The following LRP1B variants were observed in gnomAD, a reference collection of about 807,000 sequenced individuals.
LRP1B encodes low-density lipoprotein receptor-related protein 1B.
Under a neutral mutation model 556.6 loss-of-function variants are expected in LRP1B, and 217 were observed. That is an observed-to-expected ratio of 0.39 (90% confidence interval 0.35 to 0.44). LRP1B has a LOEUF of 0.44. LRP1B is among the 20% of genes least tolerant of loss of function. The pLI, the probability that LRP1B is intolerant of heterozygous loss-of-function variation, is 1.00. For missense variants in LRP1B, 5,053 were observed against 5,620.8 expected (o/e 0.90, Z 3.23); for synonymous variants, 2,047 against 1,865.8 (o/e 1.10, Z -2.50).
At chr2:140,896,263 ATATAT>A (rs1320710030) in intron 23 of LRP1B, among the ~76,000 whole-genome samples, 2 of 152,072 alleles carry the variant, frequency 1.3e-5, no homozygotes, top group African/African-American at 2.4e-5. Flanking sequence ...GAGATTTGAG[ATATAT>A]TAAATAGAAA....
chr2:140,576,126 A>T (rs1389488637), intron 43 of LRP1B, among the ~76,000 whole-genome samples: 2 of 152,100 alleles, frequency 1.3e-5, no homozygotes, highest in Non-Finnish European at 2.9e-5. Context: ...GATCCATGGA[A>T]ATGCTTCCAT....
chr2:142,122,226 AG>A (rs1482484798), intron 1 of LRP1B, among the ~76,000 whole-genome samples: 1 of 152,136 alleles, frequency 6.6e-6, no homozygotes, highest in East Asian at 1.9e-4. Context: ...CAATGAGAAT[AG>A]CAAAGGAAGT....
chr2:141,200,445 T>C (rs1335202463), intron 6 of LRP1B, among the ~76,000 whole-genome samples: 1 of 152,158 alleles, frequency 6.6e-6, no homozygotes, highest in Non-Finnish European at 1.5e-5. Context: ...GCTTAATACC[T>C]AGGTGATGAA....
chr2:140,419,869 A>G (rs1299085105), intron 66 of LRP1B, among the ~76,000 whole-genome samples: 1 of 152,068 alleles, frequency 6.6e-6, no homozygotes, highest in African/African-American at 2.4e-5. Context: ...TTAGTCCTGC[A>G]TGGTGGCACA....
chr2:141,724,269 A>G lies in LRP1B; in HGVS notation c.205+86010T>C, dbSNP rs1173238870. ...ATTCATGTAAGTTGGTGATAAAATT[A>G]CCTCATCTTATTTGGAAACAGAATC... On this transcript the variant is annotated intron_variant, in intron 2 of 90. Coordinates refer to ENST00000389484, the MANE Select transcript of LRP1B (RefSeq NM_018557.3). Among the ~76,000 whole-genome samples, 3 of 152,024 alleles carry G rather than the reference A, an allele frequency of 2.0e-5. No individual in the cohort carries two copies. In the East Asian group the frequency reaches 5.8e-4, roughly 29 times the overall value.
chr2:140,666,160 A>C (rs1574214405), intron 41 of LRP1B, among the ~76,000 whole-genome samples: 1 of 151,842 alleles, frequency 6.6e-6, no homozygotes, highest in East Asian at 1.9e-4. Context: ...TGCCCGGCTA[A>C]TTTTTTGTAT....
At chr2:140,521,291 C>G (rs1239049503) in intron 49 of LRP1B, among the ~76,000 whole-genome samples, 1 of 152,042 alleles carries the variant, frequency 6.6e-6, no homozygotes, top group African/African-American at 2.4e-5. Context: ...AGTTTGAAAG[C>G]AGCTACAAAA....
At chr2:140,399,085 T>C (rs1684380237) in intron 66 of LRP1B, among the ~76,000 whole-genome samples, 2 of 152,104 alleles carry the variant, frequency 1.3e-5, no homozygotes, top group South Asian at 4.1e-4. Flanking sequence ...TATCTTTCTT[T>C]TTCTTTAACA....
chr2:141,728,189 G>T lies in LRP1B; in HGVS notation c.205+82090C>A, dbSNP rs1199241112. On this transcript the variant is annotated intron_variant, in intron 2 of 90. Transcript: ENST00000389484. ...GGAGAGAAGAACTTGCAAAGCAAAGGTCACCTCAGTTCTCTAGCACCTCTC... is the reference window on the plus strand; with the variant it reads ...GGAGAGAAGAACTTGCAAAGCAAAGTTCACCTCAGTTCTCTAGCACCTCTC... Among the ~76,000 whole-genome samples the T allele has an allele frequency of 2.0e-5, 3 of 152,124 alleles. No individual in the cohort carries two copies. In the East Asian group the frequency reaches 5.8e-4, roughly 29 times the overall value.
intron 86 of LRP1B, among the ~76,000 whole-genome samples, chr2:140,260,031 TAAATA>T (rs1289342857): frequency 6.6e-6 from 1 of 151,834 alleles, no homozygotes; most frequent in Admixed American, 6.6e-5. Flanking sequence ...CAAAAATAAA[TAAATA>T]AAAGATGCAG....
chr2:140,517,884 T>C (rs1689985302), intron 49 of LRP1B, among the ~76,000 whole-genome samples: 1 of 151,934 alleles, frequency 6.6e-6, no homozygotes, highest in Admixed American at 6.6e-5. Context: ...CTAATTTTTG[T>C]ATTTTTAATA....
At chr2:141,967,858 T>C (rs1254331952) in intron 1 of LRP1B, among the ~76,000 whole-genome samples, 1 of 151,896 alleles carries the variant, frequency 6.6e-6, no homozygotes, top group Non-Finnish European at 1.5e-5. Flanking sequence ...GTTACTATTG[T>C]TTGGTAACAA....
intron 3 of LRP1B, among the ~76,000 whole-genome samples, chr2:141,463,641 ATATAT>A (rs1409224514): frequency 5.6e-5 from 7 of 124,378 alleles, no homozygotes; most frequent in African/African-American, 2.5e-4. Context: ...ATTATATATT[ATATAT>A]TATATATAAT....
At chr2:141,375,482 A>G (rs11885208) in intron 3 of LRP1B, among the ~76,000 whole-genome samples, 14,856 of 152,022 alleles carry the variant, frequency 0.098, 1,203 homozygotes, top group African/African-American at 0.22. Flanking sequence ...CAACCCACTG[A>G]GACCCAAGCA....
At chr2:140,713,235 A>G (rs2105454625) in intron 37 of LRP1B, among the ~76,000 whole-genome samples, 1 of 152,184 alleles carries the variant, frequency 6.6e-6, no homozygotes, top group Non-Finnish European at 1.5e-5. Flanking sequence ...TCATACAGTT[A>G]AGATTAATTT....
intron 2 of LRP1B, among the ~76,000 whole-genome samples, chr2:141,784,189 A>G (rs571573019): frequency 5.3e-5 from 8 of 152,146 alleles, no homozygotes; most frequent in East Asian, 3.9e-4. Flanking sequence ...AACTAATTTT[A>G]TCTGCTACCT....
At chr2:141,173,577 T>C (rs1309052826) in intron 7 of LRP1B, among the ~76,000 whole-genome samples, 1 of 152,110 alleles carries the variant, frequency 6.6e-6, no homozygotes, top group East Asian at 1.9e-4. Flanking sequence ...TTAAGTGATA[T>C]AGATTAATAG....
At chr2:141,087,193 T>TG (rs56152407) in intron 7 of LRP1B, among the ~76,000 whole-genome samples, 8,547 of 151,166 alleles carry the variant, frequency 0.057, 292 homozygotes, top group South Asian at 0.12. Flanking sequence ...CTAGTGAGTA[T>TG]TATGCTGGTA....
intron 82 of LRP1B, among the ~76,000 whole-genome samples, chr2:140,321,608 T>A (rs1302096123): frequency 6.6e-6 from 1 of 152,052 alleles, no homozygotes; most frequent in Admixed American, 6.6e-5. Context: ...ATTGAATAAA[T>A]AAATGGATTT....
Sources: allele counts gnomAD v4.1 joint callset (sites outside exome capture counted in the v4.1 genomes callset), GRCh38; gene constraint gnomAD v4.1.1; transcripts MANE v1.5; gene names NCBI Gene and HGNC (gene_info 2026-07-23, HGNC 2026-07-21).